Variants in PCSK6 observed in about 807,000 individuals in gnomAD.
PCSK6 encodes the protein paired basic amino acid cleaving enzyme 4.
PCSK6 carries 85 observed loss-of-function variants against 123.3 expected under a neutral mutation model. That is an observed-to-expected ratio of 0.69 (90% CI 0.58 to 0.83). PCSK6 has a LOEUF of 0.83. Ranked by LOEUF, PCSK6 falls within the 40% of genes least tolerant of loss-of-function variation. The pLI is 0.00. For synonymous variants in PCSK6, 508 were observed against 516.0 expected (o/e 0.98, Z 0.21); for missense variants, 1,191 against 1,282.3 (o/e 0.93, Z 1.09).
At chr15:101,327,524 A>T (rs1208053881) in intron 15 of PCSK6, among the ~76,000 whole-genome samples, 1 of 152,186 alleles carries the variant, frequency 6.6e-6, no homozygotes, top group East Asian at 1.9e-4. Flanking sequence ...TAAGTGGGGC[A>T]TGTGAAGGCT....
intron 6 of PCSK6, among the ~76,000 whole-genome samples, chr15:101,419,271 C>A (rs1295651360): frequency 6.6e-6 from 1 of 151,438 alleles, no homozygotes; most frequent in African/African-American, 2.4e-5. Flanking sequence ...ACCCAACATA[C>A]AAAAATCAAT....
At chr15:101,402,965 C>T (rs1356223323) in intron 6 of PCSK6, among the ~76,000 whole-genome samples, 432 of 152,124 alleles carry the variant, frequency 2.8e-3, no homozygotes, top group African/African-American at 8.6e-3. Context: ...TAAAGACACA[C>T]GCACACATAT....
chr15:101,372,684 G>A (rs538319149), intron 11 of PCSK6, among the ~76,000 whole-genome samples: 41 of 152,226 alleles, frequency 2.7e-4, no homozygotes, highest in African/African-American at 9.2e-4. Flanking sequence ...AGCAAGGTGT[G>A]GAGACGGAGA....
chr15:101,403,433 AAAAAG>A lies in PCSK6; in HGVS notation c.824-4862_824-4858del, dbSNP rs2042668235. ...ACTTAAAGTATAATAATAATTAAAA[AAAAAG>A]AGAGAGAAAAAAAAATGGAGGTAGT... is the stretch of plus-strand genomic sequence containing the variant. On this transcript the variant is annotated intron_variant, in intron 6 of 21. Coordinates refer to ENST00000611716, the MANE Select transcript of PCSK6 (RefSeq NM_002570.5). Among the ~76,000 whole-genome samples the A allele has an allele frequency of 2.0e-5, 3 of 147,828 alleles. No homozygotes were observed. In the South Asian group the frequency reaches 6.3e-4, roughly 31 times the overall value.
chr15:101,343,886 G>C (rs1218722753), intron 13 of PCSK6, among the ~76,000 whole-genome samples: 1 of 152,076 alleles, frequency 6.6e-6, no homozygotes, highest in African/African-American at 2.4e-5. Flanking sequence ...TCAGGAGTTC[G>C]AGACCAGCCT....
chr15:101,373,949 A>G (rs1182430921), intron 11 of PCSK6, among the ~76,000 whole-genome samples: 1 of 152,236 alleles, frequency 6.6e-6, no homozygotes, highest in Non-Finnish European at 1.5e-5. Flanking sequence ...GTCTTCTGCT[A>G]TTAACTTCTG....
Position 101,324,902 on chromosome 15 carries a change from C to G in PCSK6, c.2325G>C (p.Gln775His). The G allele has an allele frequency of 6.2e-7, 1 of 1,613,686 alleles. No homozygotes were observed. Residue 775 changes from glutamine (Q) to histidine (H), a missense_variant, in exon 17 of 22, where the codon CAG (glutamine) becomes CAC (histidine). Gln to His is a conservative substitution (Grantham distance 24). This residue lies in a region of PCSK6 where 630 missense variants were observed against 631.4 expected (regional missense o/e 1.00). Coordinates refer to ENST00000611716, the MANE Select transcript of PCSK6 (RefSeq NM_002570.5). ...AGAGGGTCACACAGGTGTTCATCTC[C>G]TGGTGGTGATAGAACCCGCGGCGGC... is the stretch of plus-strand genomic sequence containing the variant. ...LSCRRGFYHH[Q>H]EMNTCVTLCP...
In PCSK6 at chr15:101,317,596, A is replaced by T. The variant is rs535677051; in HGVS notation, c.2569+723T>A. Among the ~76,000 whole-genome samples, 15 of 152,232 alleles carry T rather than the reference A, an allele frequency of 9.9e-5. No homozygotes were observed. The East Asian group carries it at 2.9e-3, about 29-fold the overall frequency. ...TGAAAACATCCCCATCCCCACCTGG[A>T]TCCATTCCCGCCTCTCCCAAAGCCC... On this transcript the variant is annotated intron_variant, in intron 19 of 21. Transcript: ENST00000611716.
chr15:101,489,467 G>T lies in PCSK6; in HGVS notation c.204C>A (p.Pro68=), dbSNP rs1462684341. 4.5e-6 allele frequency: 5 copies of T among 1,109,988 alleles called. No homozygotes were observed. Among genetic ancestry groups the T allele is most frequent in the Non-Finnish European group, 1.1e-6 (1 of 909,688 alleles). 68.8% of individuals were successfully genotyped at this position (1,109,988 alleles called of 1,614,324 possible). Residue 68 remains proline, a synonymous_variant, in exon 1 of 22, where the codon CCC becomes CCA. Coordinates refer to ENST00000611716, the MANE Select transcript of PCSK6 (RefSeq NM_002570.5). The part of the protein sequence containing the change: ...PAACSAPPPR[P]VYTNHWAVQV... ...GCACCGCCCAGTGGTTGGTGTAGAC[G>T]GGGCGCGGCGGGGGCGCGGAGCAGG...
chr15:101,363,242 C>A (rs1287846967), intron 13 of PCSK6, among the ~76,000 whole-genome samples: 20 of 152,214 alleles, frequency 1.3e-4, no homozygotes, highest in Admixed American at 1.2e-3. Context: ...CAAAGCTGCC[C>A]TGGGACATGG....
intron 6 of PCSK6, among the ~76,000 whole-genome samples, chr15:101,412,191 G>A (rs1162225651): frequency 6.6e-6 from 1 of 152,220 alleles, no homozygotes; most frequent in Non-Finnish European, 1.5e-5. Flanking sequence ...CAGGGCCAGA[G>A]AAGCCAGCTG....
At chr15:101,344,571 G>A (rs1195287291) in intron 13 of PCSK6, among the ~76,000 whole-genome samples, 3 of 152,202 alleles carry the variant, frequency 2.0e-5, no homozygotes, top group African/African-American at 4.8e-5. Flanking sequence ...TAAGCCACAG[G>A]CAAGGGAGTC....
intron 19 of PCSK6, among the ~76,000 whole-genome samples, chr15:101,314,377 TAGTCACTG>T (rs1355100731): frequency 6.6e-6 from 1 of 151,860 alleles, no homozygotes; most frequent in Non-Finnish European, 1.5e-5. Context: ...GGCAGTGAAG[TAGTCACTG>T]ACTGACAGCG....
intron 11 of PCSK6, among the ~76,000 whole-genome samples, chr15:101,374,864 T>C (rs8030755): frequency 0.11 from 16,789 of 152,252 alleles, 1,154 homozygotes; most frequent in East Asian, 0.26. Context: ...TCAACAAGAC[T>C]GTCGTTAGGC....
At chr15:101,475,651 A>AT (rs2057712721) in intron 1 of PCSK6, among the ~76,000 whole-genome samples, 3 of 104,420 alleles carry the variant, frequency 2.9e-5, no homozygotes, top group Non-Finnish European at 4.0e-5. Context: ...ACACTTGGCT[A>AT]ATTTTTTTTT....
chr15:101,305,040 G>C lies in PCSK6; in HGVS notation c.*218C>G. ...CCTGTTAGTTTGTCGGAAGACTGGAGCCAACAAGCAGCATTTGAGAGGATA... is the reference window on the plus strand; with the variant it reads ...CCTGTTAGTTTGTCGGAAGACTGGACCCAACAAGCAGCATTTGAGAGGATA... On this transcript the variant is annotated 3_prime_UTR_variant, in exon 22 of 22. Coordinates refer to ENST00000611716, the MANE Select transcript of PCSK6 (RefSeq NM_002570.5). The surrounding 1 kb of genome is among the most constrained non-coding windows in gnomAD (Gnocchi z 4.8). The C allele has an allele frequency of 1.9e-6, 1 of 535,472 alleles. No homozygotes were observed. The highest frequency in any genetic ancestry group is 3.3e-6 in the Non-Finnish European group (1 of 300,148). 33.2% of individuals were successfully genotyped at this position (535,472 alleles called of 1,614,324 possible).
chr15:101,388,260 A>G (rs994698318), intron 9 of PCSK6, among the ~76,000 whole-genome samples: 2 of 152,256 alleles, frequency 1.3e-5, no homozygotes, highest in Admixed American at 6.5e-5. Flanking sequence ...CCTTTGTTAC[A>G]TTGGTAGCAT....
At position 101,305,379 on chromosome 15, in the gene PCSK6, CAAA is replaced by C. The variant is rs2039700350; in HGVS notation, c.2813-27_2813-25del. ...AGCTGGGGCCCCGCATCAGGAAAGG[CAAA>C]AGAGGGAAAGGTCAGTCTTCGGTGC... On this transcript the variant is annotated intron_variant, in intron 21 of 21. Transcript: ENST00000611716. The surrounding 1 kb of genome is among the most constrained non-coding windows in gnomAD (Gnocchi z 4.8). 1 of 1,595,440 alleles carries C rather than the reference CAAA, an allele frequency of 6.3e-7. No individual in the cohort carries two copies. The highest frequency in any genetic ancestry group is 1.1e-5 in the South Asian group (1 of 90,020).
At chr15:101,472,504 G>A (rs1309285073) in intron 1 of PCSK6, among the ~76,000 whole-genome samples, 4 of 152,260 alleles carry the variant, frequency 2.6e-5, no homozygotes, top group East Asian at 1.9e-4. Flanking sequence ...CAAAACTGAC[G>A]CTGTGGGGAG....
Sources: gnomAD v4.1 joint callset for allele counts (sites outside exome capture counted in the v4.1 genomes callset) on GRCh38, gnomAD v4.1.1 for gene constraint, gnomAD v4.1.1 regional missense constraint, Gnocchi (gnomAD v3.1) non-coding constraint, MANE v1.5 for transcripts, NCBI Gene and HGNC (gene_info 2026-07-23, HGNC 2026-07-21) for gene names.